The following FRMPD4 variants were observed in gnomAD, a reference collection of about 807,000 sequenced individuals.
The protein encoded by FRMPD4 is FERM and PDZ domain-containing protein 4.
Under a neutral mutation model 94.1 loss-of-function variants are expected in FRMPD4, and 22 were observed. That is an observed-to-expected ratio of 0.23 (90% CI 0.17 to 0.33). The LOEUF (loss-of-function observed/expected upper bound fraction) is 0.33. Among genes scored for constraint, FRMPD4 ranks in the 10% least tolerant of loss-of-function variants. The probability of loss-of-function intolerance (pLI) is 1.00; values close to 1 mark genes in which losing one functional copy is unlikely to be tolerated. For synonymous variants in FRMPD4, 631 were observed against 548.6 expected (o/e 1.15, Z -2.10); for missense variants, 1,111 against 1,339.9 (o/e 0.83, Z 2.67).
At chrX:12,466,039 A>T (rs760664878) in intron 1 of FRMPD4, among the ~76,000 whole-genome samples, 10 of 111,298 alleles carry the variant, frequency 9.0e-5, no homozygotes, top group African/African-American at 3.3e-4. Flanking sequence ...GGCTTTGGGT[A>T]TCTATAAAAT....
At chrX:12,292,911 C>T (rs2054711239) in intron 1 of FRMPD4, among the ~76,000 whole-genome samples, 1 of 109,650 alleles carries the variant, frequency 9.1e-6, no homozygotes, top group African/African-American at 3.3e-5. Flanking sequence ...TGTGTATGTA[C>T]CTACACAAAG....
intron 1 of FRMPD4, among the ~76,000 whole-genome samples, chrX:12,493,782 A>C (rs968413425): frequency 8.9e-6 from 1 of 111,997 alleles, no homozygotes; most frequent in Non-Finnish European, 1.9e-5. Flanking sequence ...CTAAGCAGTT[A>C]TATCCTTAGA....
At chrX:12,301,642 G>C (rs2054861060) in intron 1 of FRMPD4, among the ~76,000 whole-genome samples, 1 of 112,078 alleles carries the variant, frequency 8.9e-6, no homozygotes, top group African/African-American at 3.2e-5. Context: ...ATACAGCATA[G>C]TATTATACTT....
chrX:12,159,111 A>G (rs1294115794), intron 1 of FRMPD4, among the ~76,000 whole-genome samples: 1 of 112,429 alleles, frequency 8.9e-6, no homozygotes, highest in Non-Finnish European at 1.9e-5. Flanking sequence ...CCACTCCAAA[A>G]TGTGTAATGT....
intron 2 of FRMPD4, among the ~76,000 whole-genome samples, chrX:12,504,966 G>A (rs2057964392): frequency 8.9e-6 from 1 of 112,053 alleles, no homozygotes; most frequent in Non-Finnish European, 1.9e-5. Context: ...GACTACAACA[G>A]AGTTGGGGCA....
chrX:12,071,206 C>G (rs1212371749), intron 3 of FRMPD4, among the ~76,000 whole-genome samples: 1 of 110,514 alleles, frequency 9.0e-6, no homozygotes, highest in Non-Finnish European at 1.9e-5. Context: ...TCATTCCTAG[C>G]TTGCCACCCT....
At chrX:11,961,409 A>T (rs1038622519) in intron 3 of FRMPD4, among the ~76,000 whole-genome samples, 2 of 112,312 alleles carry the variant, frequency 1.8e-5, no homozygotes, top group African/African-American at 6.5e-5. Flanking sequence ...TTGATTCTTC[A>T]TATCATGGGA....
At chrX:11,882,807 T>C (rs1238230341) in intron 3 of FRMPD4, among the ~76,000 whole-genome samples, 1 of 111,265 alleles carries the variant, frequency 9.0e-6, no homozygotes, top group East Asian at 2.8e-4. Context: ...GGAGCATATT[T>C]AGGGGCTCCC....
intron 1 of FRMPD4, among the ~76,000 whole-genome samples, chrX:11,854,363 A>G (rs1289842443): frequency 9.0e-6 from 1 of 111,507 alleles, no homozygotes; most frequent in African/African-American, 3.3e-5. Flanking sequence ...TGTCCTCGCA[A>G]TTCAAAACAC....
chrX:11,931,798 T>C (rs994237966), intron 3 of FRMPD4, among the ~76,000 whole-genome samples: 1 of 112,082 alleles, frequency 8.9e-6, no homozygotes, highest in African/African-American at 3.2e-5. Context: ...CCTTAAGCAG[T>C]ACAAATGGAA....
chrX:11,883,451 C>A (rs1477846992), intron 3 of FRMPD4, among the ~76,000 whole-genome samples: 2 of 111,461 alleles, frequency 1.8e-5, no homozygotes, highest in Non-Finnish European at 1.9e-5. Context: ...TCTAATCTTT[C>A]TTGAGGAGAT....
intron 3 of FRMPD4, among the ~76,000 whole-genome samples, chrX:12,045,171 G>A (rs2054778749): frequency 1.8e-5 from 2 of 112,058 alleles, no homozygotes; most frequent in Non-Finnish European, 1.9e-5. Context: ...CATATTGTCC[G>A]TGGGTTGCTT....
At chrX:11,934,955 T>C (rs1379627430) in intron 3 of FRMPD4, among the ~76,000 whole-genome samples, 2 of 111,525 alleles carry the variant, frequency 1.8e-5, no homozygotes, top group East Asian at 2.8e-4. Flanking sequence ...GCAAGACAAA[T>C]TACATGCAAT....
intron 3 of FRMPD4, among the ~76,000 whole-genome samples, chrX:11,961,272 G>A (rs2054281879): frequency 8.9e-6 from 1 of 112,045 alleles, no homozygotes; most frequent in Non-Finnish European, 1.9e-5. Flanking sequence ...CTCTCAGATT[G>A]CTAACCGTGG....
At chrX:11,832,478 C>G (rs1490770919) in intron 1 of FRMPD4, among the ~76,000 whole-genome samples, 1 of 111,486 alleles carries the variant, frequency 9.0e-6, no homozygotes, top group African/African-American at 3.3e-5. Flanking sequence ...TATCAGAATT[C>G]ATCCATTGGA....
chrX:12,333,162 T>C, intron 1 of FRMPD4, among the ~76,000 whole-genome samples: 1 of 112,151 alleles, frequency 8.9e-6, no homozygotes, highest in East Asian at 2.8e-4. Flanking sequence ...CTATGAATCA[T>C]AGAATAAGTG....
chrX:12,001,866 G>T (rs908873668), intron 3 of FRMPD4, among the ~76,000 whole-genome samples: 1 of 112,120 alleles, frequency 8.9e-6, no homozygotes, highest in African/African-American at 3.2e-5. Flanking sequence ...TTTGAATAAA[G>T]ATTGACTTGC....
chrX:12,379,763 A>G (rs1471651234), intron 1 of FRMPD4, among the ~76,000 whole-genome samples: 1 of 110,001 alleles, frequency 9.1e-6, no homozygotes, highest in Non-Finnish European at 1.9e-5. Flanking sequence ...GCAAAACAGA[A>G]TAAAGCATTC....
chrX:12,045,356 C>T (rs1472588966), intron 3 of FRMPD4, among the ~76,000 whole-genome samples: 2 of 111,761 alleles, frequency 1.8e-5, no homozygotes, highest in Non-Finnish European at 3.8e-5. Flanking sequence ...TGTTTACTTC[C>T]GGGATTACTA....
Sources: allele counts gnomAD v4.1 joint callset (sites outside exome capture counted in the v4.1 genomes callset), GRCh38; gene constraint gnomAD v4.1.1; transcripts MANE v1.5; gene names NCBI Gene and HGNC (gene_info 2026-07-23, HGNC 2026-07-21).